The following CNOT1 variants were observed in gnomAD, a reference collection of about 807,000 sequenced individuals.
CNOT1 encodes CCR4-associated factor 1.
Under a neutral mutation model 273.8 loss-of-function variants are expected in CNOT1, and 15 were observed. The ratio of observed to expected loss-of-function variants is 0.05; its 90% CI spans 0.04 to 0.08. The LOEUF (loss-of-function observed/expected upper bound fraction) is 0.08, where lower values mean the gene tolerates loss of function less well. Among genes scored for constraint, CNOT1 ranks in the 10% least tolerant of loss-of-function variants. The pLI is 1.00. For synonymous variants in CNOT1, 1,022 were observed against 1,005.5 expected, an observed-to-expected ratio of 1.02 and a Z score of -0.31; for missense variants, 1,644 against 2,912.2, an observed-to-expected ratio of 0.56 and a Z score of 10.02.
chr16:58,585,208 T>A (rs1028004883), intron 8 of CNOT1, 130 bp downstream of exon 8: 25 of 1,347,980 alleles, frequency 1.9e-5, no homozygotes, highest in Non-Finnish European at 2.5e-5. Context: ...CGTGGAAGAT[T>A]AAAATTTAGA....
In CNOT1 at chr16:58,625,049, A is replaced by C. The variant is rs558691932; in HGVS notation, c.-175+4679T>G. Among the ~76,000 whole-genome samples, 444 of 152,136 alleles carry C rather than the reference A, an allele frequency of 2.9e-3. 2 individuals carry two copies. The highest frequency in any genetic ancestry group is 3.8e-3 in the Non-Finnish European group (260 of 68,010). On this transcript the variant is annotated intron_variant, in intron 1 of 48. Coordinates refer to ENST00000317147, the MANE Select transcript of CNOT1 (RefSeq NM_016284.5). ...GATCGCTTGAGCCCAGGAGTTCCAG[A>C]CCAGCCTGGGAAACACAGTGAAACC...
At chr16:58,619,665 C>T (rs543599922) in intron 1 of CNOT1, among the ~76,000 whole-genome samples, 19 of 152,236 alleles carry the variant, frequency 1.2e-4, no homozygotes, top group African/African-American at 4.1e-4. Flanking sequence ...ACTTTGTGAT[C>T]TGCCCACCTC....
chr16:58,593,568 GAA>G (rs34487574), intron 2 of CNOT1, among the ~76,000 whole-genome samples: 1 of 139,814 alleles, frequency 7.2e-6, no homozygotes. Context: ...CGTCTCAAGG[GAA>G]AAAAAAAAAA....
rs1453794022 is a variant in CNOT1 at position 58,551,170 on chromosome 16, T to C, written c.3304A>G (p.Ile1102Val). Residue 1102 changes from isoleucine to valine, a missense_variant, in exon 24 of 49, where the codon ATT becomes GTT. Around this residue, in one of 13 missense-constraint regions of CNOT1, gnomAD observed 124 missense variants for 289.3 expected, o/e 0.43. Coordinates refer to ENST00000317147, the MANE Select transcript of CNOT1 (RefSeq NM_016284.5). ...TTTGACTGTGAGAGATTATTGAAAA[T>C]AAAAGCAATTTTCTCCTGGATATTT... ...PENIQEKIAF[I>V]FNNLSQSNMT... The C allele has an allele frequency of 6.2e-7, 1 of 1,608,754 alleles. No homozygotes were observed. The highest frequency in any genetic ancestry group is 8.5e-7 in the Non-Finnish European group (1 of 1,178,810).
intron 16 of CNOT1, among the ~76,000 whole-genome samples, chr16:58,562,675 T>C (rs929676269): frequency 4.0e-5 from 6 of 151,428 alleles, no homozygotes; most frequent in Non-Finnish European, 8.8e-5. Flanking sequence ...TACAAAAAAT[T>C]AGCCGGGTGT....
chr16:58,604,931 T>A (rs1198315116), intron 1 of CNOT1, among the ~76,000 whole-genome samples: 1 of 144,954 alleles, frequency 6.9e-6, no homozygotes, highest in African/African-American at 2.6e-5. Flanking sequence ...GGTCAGGAGA[T>A]CGAGACCATC....
At position 58,552,692 on chromosome 16, in the gene CNOT1, AG is replaced by A. The variant is rs547104066; in HGVS notation, c.2971-874del. 2.0e-3 allele frequency among the ~76,000 whole-genome samples: 308 copies of A among 152,348 alleles called. 1 individual carries two copies. The highest frequency in any genetic ancestry group is 7.0e-3 in the African/African-American group (289 of 41,572). ...AGAACACTGAACTAAATTAAAATAC[AG>A]AATATCAAGTAGGTTCAAATTCTGA... On this transcript the variant is annotated intron_variant, in intron 22 of 48. Transcript: ENST00000317147.
At position 58,530,292 on chromosome 16, in the gene CNOT1, A is replaced by C. The variant is rs774934617; in HGVS notation, c.6233T>G (p.Phe2078Cys). ...TTTGGTGAGTTCCACATTTCTAAGG[A>C]AAGGCGCTAAATATTTGAATAAATC... ...LIDLFKYLAP[F>C]LRNVELTKPM... Residue 2078 changes from phenylalanine to cysteine, a missense_variant, in exon 43 of 49, where the codon TTC becomes TGC. Physicochemically the swap from Phe to Cys is radical, Grantham distance 205. Around this residue, in one of 13 missense-constraint regions of CNOT1, gnomAD observed 25 missense variants for 31.2 expected, o/e 0.80. Transcript: ENST00000317147. 6.2e-7 allele frequency: 1 copy of C among 1,612,368 alleles called. No individual in the cohort carries two copies. The highest frequency in any genetic ancestry group is 8.5e-7 in the Non-Finnish European group (1 of 1,178,820).
intron 2 of CNOT1, chr16:58,597,625 C>A: frequency 2.3e-6 from 1 of 426,986 alleles, no homozygotes; most frequent in South Asian, 1.9e-5. Context: ...TGTAAGCAAT[C>A]AACATGGAGA....
At chr16:58,621,371 T>C (rs571051539) in intron 1 of CNOT1, among the ~76,000 whole-genome samples, 1 of 151,994 alleles carries the variant, frequency 6.6e-6, no homozygotes, top group African/African-American at 2.4e-5. Flanking sequence ...CCTCCCAGGG[T>C]CCAGCGATTC....
chr16:58,585,700 C>CA (rs1394256760), intron 7 of CNOT1, among the ~76,000 whole-genome samples, 194 bp from the exon 8 acceptor site: 1 of 152,092 alleles, frequency 6.6e-6, no homozygotes, highest in African/African-American at 2.4e-5. Flanking sequence ...TTTTATATCA[C>CA]AAAAAATGCT....
At chr16:58,586,195 A>C in intron 7 of CNOT1, among the ~76,000 whole-genome samples, 1 of 119,474 alleles carries the variant, frequency 8.4e-6, no homozygotes, top group Admixed American at 9.7e-5. Context: ...TATTGGCCTG[A>C]GCCACTGTGC....
At chr16:58,578,588 CATA>C (rs2041548995) in intron 13 of CNOT1, 108 bp downstream of exon 13, 2 of 1,478,104 alleles carry the variant, frequency 1.4e-6, no homozygotes, top group Middle Eastern at 4.5e-4. Context: ...CTTTTAAAGT[CATA>C]ATAATTCAGA....
At chr16:58,565,971 T>C (rs1225068946) in intron 16 of CNOT1, among the ~76,000 whole-genome samples, 3 of 147,668 alleles carry the variant, frequency 2.0e-5, no homozygotes, top group African/African-American at 8.1e-5. Context: ...TCAGTTGTTT[T>C]GTAGAATGTC....
chr16:58,581,195 C>T, intron 11 of CNOT1, 150 bp downstream of exon 11: 1 of 877,288 alleles, frequency 1.1e-6, no homozygotes, highest in Non-Finnish European at 1.7e-6. Context: ...GATAATATTC[C>T]TTCAATACTT....
At chr16:58,553,092 T>C (rs1423613884) in intron 22 of CNOT1, among the ~76,000 whole-genome samples, 3 of 151,872 alleles carry the variant, frequency 2.0e-5, no homozygotes, top group African/African-American at 7.3e-5. Context: ...GGCCAACATG[T>C]TGAAACCTCG....
intron 40 of CNOT1, chr16:58,533,045 T>C (rs900604601): frequency 6.5e-6 from 1 of 153,012 alleles, no homozygotes; most frequent in Admixed American, 6.5e-5. Context: ...CTCACAGTGA[T>C]TCTGTATATG....
chr16:58,566,218 C>T (rs1287810308), intron 16 of CNOT1, among the ~76,000 whole-genome samples: 1 of 152,154 alleles, frequency 6.6e-6, no homozygotes, highest in African/African-American at 2.4e-5. Flanking sequence ...CATAATTATC[C>T]TGCTCTTCAA....
In CNOT1 at chr16:58,537,766, C is replaced by G. The variant is rs778137324; in HGVS notation, c.5414+125G>C. ...GTGACAATATTAGCCCTTACCAAAG[C>G]TACCCACCCATATGTGGTTGGTAAA... is the stretch of plus-strand genomic sequence containing the variant. On this transcript the variant is annotated intron_variant, in intron 38 of 48. Transcript: ENST00000317147. 115 of 1,285,244 alleles carry G rather than the reference C, an allele frequency of 8.9e-5. 1 individual carries two copies. The highest frequency in any genetic ancestry group is 1.2e-4 in the Non-Finnish European group (109 of 936,680). 79.6% of individuals were successfully genotyped at this position (1,285,244 alleles called of 1,614,324 possible).
Sources: gnomAD v4.1 joint callset for allele counts (sites outside exome capture counted in the v4.1 genomes callset) on GRCh38, gnomAD v4.1.1 for gene constraint, gnomAD v4.1.1 regional missense constraint, MANE v1.5 for transcripts, NCBI Gene and HGNC (gene_info 2026-07-23, HGNC 2026-07-21) for gene names.